The following RSRP1 variants were observed in gnomAD, a reference collection of about 807,000 sequenced individuals.
RSRP1 encodes arginine and serine rich protein 1, also known as arginine/serine-rich protein 1.
RSRP1 carries 37 observed loss-of-function variants against 33.0 expected under a neutral mutation model. That is an observed-to-expected ratio of 1.12 (90% CI 0.86 to 1.48). RSRP1 has a LOEUF of 1.48. RSRP1 is among the 40% of genes most tolerant of loss of function. The probability of loss-of-function intolerance (pLI) is 0.00; values close to 1 mark genes in which losing one functional copy is unlikely to be tolerated. For synonymous variants in RSRP1, 167 were observed against 158.7 expected, an observed-to-expected ratio of 1.05 and a Z score of -0.40; for missense variants, 402 against 385.3, an observed-to-expected ratio of 1.04 and a Z score of -0.36.
intron 1 of RSRP1, among the ~76,000 whole-genome samples, chr1:25,279,111 G>A (rs2124602685): frequency 7.8e-6 from 1 of 127,454 alleles, no homozygotes; most frequent in African/African-American, 2.7e-5. Flanking sequence ...CCAAGGGGAT[G>A]GACTCAGAAG....
At chr1:25,270,593 C>G (rs114632238) in intron 1 of RSRP1, among the ~76,000 whole-genome samples, 2,267 of 132,292 alleles carry the variant, frequency 0.017, 335 homozygotes, top group African/African-American at 0.055. Flanking sequence ...TTGTCTTTTA[C>G]AAAACCCGTC....
chr1:25,284,377 C>G (rs1330795459), intron 1 of RSRP1, among the ~76,000 whole-genome samples: 1 of 135,608 alleles, frequency 7.4e-6, no homozygotes, highest in East Asian at 1.9e-4. Flanking sequence ...TATCTTATCC[C>G]CACACGGCAT....
intron 1 of RSRP1, among the ~76,000 whole-genome samples, chr1:25,315,649 A>T (rs1176335775): frequency 7.9e-6 from 1 of 125,990 alleles, no homozygotes; most frequent in Non-Finnish European, 1.9e-5. Context: ...GGCGCCTGCC[A>T]CCACTCCCGG....
chr1:25,248,693 C>T (rs555228378), upstream of RSRP1, among the ~76,000 whole-genome samples: 1 of 152,192 alleles, frequency 6.6e-6, no homozygotes, highest in Non-Finnish European at 1.5e-5. Context: ...TGTTCATCTT[C>T]ACCCCACATC....
At position 25,276,517 on chromosome 1, in the gene RSRP1, ACC is replaced by A. The variant is rs59535574; in HGVS notation, c.-66-29490_-66-29489del. On this transcript the variant is annotated intron_variant, in intron 1 of 1. Transcript: ENST00000561867. ...AGACGAGCCTAGGAAACATAGGGAG[ACC>A]CCCCCCCATCTCTAAAAAAAAAAAA... Among the ~76,000 whole-genome samples, 79 of 91,728 alleles carry A rather than the reference ACC, an allele frequency of 8.6e-4. 12 individuals carry two copies. Among genetic ancestry groups the A allele is most frequent in the South Asian group, 7.3e-3 (24 of 3,284 alleles). The allele number at this position is 91,728 out of a possible 152,430, so 60.2% of individuals were successfully genotyped here.
At chr1:25,250,447 C>G (rs529811854), upstream of RSRP1, among the ~76,000 whole-genome samples, 2 of 152,204 alleles carry the variant, frequency 1.3e-5, no homozygotes, top group Non-Finnish European at 2.9e-5. Flanking sequence ...TAGGGTATCA[C>G]AACAAGTTTT....
chr1:25,330,389 A>G lies in RSRP1; in HGVS notation c.-67+7589T>C, dbSNP rs1403822293. ...TTTCTTTGAAAATTCTGGCAGACCA[A>G]GGTTCTTTTTGTTTACATAATACTT... On this transcript the variant is annotated intron_variant, in intron 1 of 1. Coordinates refer to the RSRP1 transcript ENST00000561867. 1.5e-5 allele frequency: 2 copies of G among 133,138 alleles called. 1 individual carries two copies. The highest frequency in any genetic ancestry group is 7.5e-3 in the Middle Eastern group (2 of 268). The allele number at this position is 133,138 out of a possible 1,614,324, so 8.2% of individuals were successfully genotyped here. A position where few individuals can be genotyped will look rare whatever the true frequency, so the allele number is the denominator to read the frequency against.
chr1:25,271,914 C>T lies in RSRP1; in HGVS notation c.-66-24885G>A, dbSNP rs186476872. ...ATCTCCTTTCTCTTCTGCCACCCCC[C>T]CTTAAAATGCTTAGAAACACATAGA... is the stretch of plus-strand genomic sequence containing the variant. On this transcript the variant is annotated intron_variant, in intron 1 of 1. Coordinates refer to the RSRP1 transcript ENST00000561867. Among the ~76,000 whole-genome samples, 39 of 131,730 alleles carry T rather than the reference C, an allele frequency of 3.0e-4. 4 individuals are homozygous for T. The highest frequency in any genetic ancestry group is 2.6e-3 in the East Asian group (13 of 5,096). 86.4% of individuals were successfully genotyped at this position (131,730 alleles called of 152,430 possible).
chr1:25,248,533 C>T (rs1639658422), upstream of RSRP1, among the ~76,000 whole-genome samples: 1 of 152,112 alleles, frequency 6.6e-6, no homozygotes, highest in African/African-American at 2.4e-5. Flanking sequence ...TGGTCTCCAA[C>T]TCCTGGGCTC....
rs1160800848 is a variant in RSRP1 at position 25,306,662 on chromosome 1, G to C, written c.-67+31316C>G. ...CATGGGCTACAACTTCAGCTTGCTG[G>C]GTCTGCTTGGAGAGATCATCTACAT... On this transcript the variant is annotated intron_variant, in intron 1 of 1. Transcript: ENST00000561867. The C allele has an allele frequency of 1.5e-6, 2 of 1,378,392 alleles. 1 individual carries two copies. Among genetic ancestry groups the C allele is most frequent in the Non-Finnish European group, 2.0e-6 (2 of 979,046 alleles). The allele number at this position is 1,378,392 out of a possible 1,614,324, so 85.4% of individuals were successfully genotyped here. A position where few individuals can be genotyped will look rare whatever the true frequency, so the allele number is the denominator to read the frequency against.
chr1:25,291,642 A>G (rs1642518878), intron 1 of RSRP1, among the ~76,000 whole-genome samples: 2 of 132,718 alleles, frequency 1.5e-5, no homozygotes, highest in East Asian at 3.9e-4. Context: ...ATGGTTATAT[A>G]AAAGTAATTA....
rs1229588259 is a variant in RSRP1 at position 25,300,725 on chromosome 1, C to T, written c.-67+37253G>A. On this transcript the variant is annotated intron_variant, in intron 1 of 1. Coordinates refer to the RSRP1 transcript ENST00000561867. ...TAGGGAAGCTGAGGCAGGAGAATCG[C>T]GTGAACCTGGGAGGCAAATGTTCCA... Among the ~76,000 whole-genome samples the T allele has an allele frequency of 1.3e-4, 17 of 131,650 alleles. 2 individuals are homozygous for T. The highest frequency in any genetic ancestry group is 1.3e-4 in the African/African-American group (5 of 38,218). 86.4% of individuals were successfully genotyped at this position (131,650 alleles called of 152,430 possible). A position where few individuals can be genotyped will look rare whatever the true frequency, so the allele number is the denominator to read the frequency against.
Position 25,286,254 on chromosome 1 carries a change from C to T in RSRP1, c.-66-39225G>A, listed in dbSNP as rs1391402055. Among the ~76,000 whole-genome samples, 4 of 135,324 alleles carry T rather than the reference C, an allele frequency of 3.0e-5. 1 individual carries two copies. The highest frequency in any genetic ancestry group is 7.6e-5 in the African/African-American group (3 of 39,226). The allele number at this position is 135,324 out of a possible 152,430, so 88.8% of individuals were successfully genotyped here. ...CTGTAATCCCAGTACTTTTGGGAAC[C>T]GAGGTGGGCAGATCACTTGAGCCCA... is the stretch of plus-strand genomic sequence containing the variant. On this transcript the variant is annotated intron_variant, in intron 1 of 1. Coordinates refer to the RSRP1 transcript ENST00000561867.
At chr1:25,292,488 C>T (rs1413588968) in intron 1 of RSRP1, among the ~76,000 whole-genome samples, 2 of 131,704 alleles carry the variant, frequency 1.5e-5, no homozygotes, top group East Asian at 2.0e-4. Context: ...ATAGACTGCA[C>T]GTGGGGTGGG....
chr1:25,293,838 T>C (rs190584807), intron 1 of RSRP1, among the ~76,000 whole-genome samples: 5 of 132,248 alleles, frequency 3.8e-5, no homozygotes, highest in Non-Finnish European at 7.1e-5. Context: ...CTAATCATAA[T>C]AAAGCTGGAT....
chr1:25,259,926 G>A (rs888742478), intron 1 of RSRP1, among the ~76,000 whole-genome samples: 1 of 152,012 alleles, frequency 6.6e-6, no homozygotes, highest in Non-Finnish European at 1.5e-5. Flanking sequence ...AGGACAAACA[G>A]ACGGACAGCG....
intron 1 of RSRP1, among the ~76,000 whole-genome samples, chr1:25,257,736 G>A (rs1299531209): frequency 6.6e-6 from 1 of 151,680 alleles, no homozygotes; most frequent in Admixed American, 6.6e-5. Flanking sequence ...AGTAGCTGGG[G>A]CTACAGGCAC....
In RSRP1 at chr1:25,243,755, T is replaced by C. The variant is rs181642332; in HGVS notation, c.673-122A>G. On this transcript the variant is annotated intron_variant, in intron 3 of 4. Coordinates refer to ENST00000243189, the MANE Select transcript of RSRP1 (RefSeq NM_020317.5). Reference sequence around the variant, plus strand: ...GTAGACACAAAAATCAACTTGGATCTAACAGCCTAAGTAACAGAACTATTG... The same window carrying C: ...GTAGACACAAAAATCAACTTGGATCCAACAGCCTAAGTAACAGAACTATTG... 766 of 1,461,604 alleles carry C rather than the reference T, an allele frequency of 5.2e-4. 9 individuals carry two copies. The Admixed American group carries it at 0.017, about 32-fold the overall frequency. The allele number at this position is 1,461,604 out of a possible 1,614,324, so 90.5% of individuals were successfully genotyped here. A position where few individuals can be genotyped will look rare whatever the true frequency, so the allele number is the denominator to read the frequency against.
intron 1 of RSRP1, among the ~76,000 whole-genome samples, chr1:25,291,425 C>T (rs1256223473): frequency 1.5e-5 from 2 of 131,514 alleles, no homozygotes; most frequent in African/African-American, 5.2e-5. Flanking sequence ...ACCGAGATCG[C>T]GCCATTGCAC....
Sources: gnomAD v4.1 joint callset for allele counts (sites outside exome capture counted in the v4.1 genomes callset) on GRCh38, gnomAD v4.1.1 for gene constraint, MANE v1.5 for transcripts, NCBI Gene and HGNC (gene_info 2026-07-23, HGNC 2026-07-21) for gene names.